Variants in VAC14 observed in about 807,000 individuals in gnomAD.
VAC14 encodes the protein VAC14 component of PIKFYVE complex.
In VAC14, 47 loss-of-function variants were observed where a neutral mutation model predicts 85.3. That is an observed-to-expected ratio of 0.55 (90% CI 0.44 to 0.70). The LOEUF is 0.70. VAC14 is among the 30% of genes least tolerant of loss of function. The probability of loss-of-function intolerance (pLI) is 0.00; values close to 1 mark genes in which losing one functional copy is unlikely to be tolerated. For missense variants in VAC14, 861 were observed against 1,004.3 expected (o/e 0.86, Z 1.93); for synonymous variants, 447 against 430.5 (o/e 1.04, Z -0.47).
rs138286638 is a variant in VAC14 at position 70,765,043 on chromosome 16, C to T, written c.1161-2018G>A. ...CATGTCCTGGTGGTGGAAGAGATGC[C>T]GCCCTACAGCCCAAGGCCTTATGCA... On this transcript the variant is annotated intron_variant, in intron 10 of 18. Coordinates refer to ENST00000261776, the MANE Select transcript of VAC14 (RefSeq NM_018052.5). Among the ~76,000 whole-genome samples the T allele has an allele frequency of 3.7e-3, 556 of 152,282 alleles. 4 individuals are homozygous for T. Among genetic ancestry groups the T allele is most frequent in the African/African-American group, 0.011 (476 of 41,548 alleles).
intron 13 of VAC14, among the ~76,000 whole-genome samples, chr16:70,733,624 G>A (rs1490438422): frequency 6.6e-6 from 1 of 151,940 alleles, no homozygotes; most frequent in Non-Finnish European, 1.5e-5. Flanking sequence ...GTTTAAAAGC[G>A]TGGGGCACCT....
chr16:70,704,364 T>G lies in VAC14; in HGVS notation c.1662-5553A>C, dbSNP rs149264623. On this transcript the variant is annotated intron_variant, in intron 14 of 18. Coordinates refer to ENST00000261776, the MANE Select transcript of VAC14 (RefSeq NM_018052.5). ...AGCCTGGCACTGTCTTCTTTGTCCT[T>G]TCCTGGGTTGGGGGCAGGGGCCACA... Among the ~76,000 whole-genome samples, 943 of 152,132 alleles carry G rather than the reference T, an allele frequency of 6.2e-3. 6 individuals carry two copies. The highest frequency in any genetic ancestry group is 9.8e-3 in the Non-Finnish European group (667 of 67,956).
chr16:70,739,592 C>A (rs969257162), intron 13 of VAC14, among the ~76,000 whole-genome samples: 1 of 152,064 alleles, frequency 6.6e-6, no homozygotes, highest in African/African-American at 2.4e-5. Context: ...AGGCTCCTGG[C>A]CCAAACAAGT....
At chr16:70,727,400 T>C (rs1029831454) in intron 14 of VAC14, among the ~76,000 whole-genome samples, 1 of 152,200 alleles carries the variant, frequency 6.6e-6, no homozygotes. Flanking sequence ...AGTGCAGTGG[T>C]GTGATCTTGG....
intron 9 of VAC14, among the ~76,000 whole-genome samples, chr16:70,774,450 T>G (rs917484940): frequency 1.3e-5 from 2 of 152,180 alleles, no homozygotes; most frequent in Non-Finnish European, 2.9e-5. Context: ...GACGTTAACC[T>G]CATCGCCTGA....
chr16:70,789,733 G>A (rs1204715407), intron 1 of VAC14, among the ~76,000 whole-genome samples: 2 of 152,216 alleles, frequency 1.3e-5, no homozygotes, highest in Admixed American at 6.5e-5. Context: ...ATTCTGCAAA[G>A]ATCTAGAACC....
intron 4 of VAC14, 92 bp downstream of exon 4, chr16:70,784,681 CAAG>C (rs1337286907): frequency 4.1e-6 from 5 of 1,207,408 alleles, no homozygotes; most frequent in Non-Finnish European, 6.1e-6. Flanking sequence ...ATTTTAAATT[CAAG>C]AAGAACATTC....
intron 10 of VAC14, among the ~76,000 whole-genome samples, chr16:70,765,309 G>C (rs1000240990): frequency 2.6e-5 from 4 of 152,142 alleles, no homozygotes; most frequent in Non-Finnish European, 5.9e-5. Context: ...AACTGCTCTG[G>C]AGCTGCTGGT....
At chr16:70,799,597 A>C (rs953188467) in intron 1 of VAC14, among the ~76,000 whole-genome samples, 4 of 152,186 alleles carry the variant, frequency 2.6e-5, no homozygotes, top group Non-Finnish European at 5.9e-5. Flanking sequence ...CAACGGATGG[A>C]GTGCTACTGG....
chr16:70,698,901 G>T, intron 14 of VAC14, 90 bp from the exon 15 acceptor site: 1 of 1,386,582 alleles, frequency 7.2e-7, no homozygotes, highest in Middle Eastern at 2.6e-4. Flanking sequence ...GTTTTGCAGC[G>T]TCCTGGGGAA....
intron 16 of VAC14, chr16:70,695,856 C>G: frequency 2.1e-6 from 1 of 465,186 alleles, no homozygotes; most frequent in Non-Finnish European, 3.9e-6. Context: ...GTCTCCTCTG[C>G]ACCCTCCCGG....
intron 1 of VAC14, among the ~76,000 whole-genome samples, chr16:70,786,665 G>GT (rs1408494759): frequency 6.6e-6 from 1 of 152,214 alleles, no homozygotes; most frequent in Non-Finnish European, 1.5e-5. Flanking sequence ...TGCATTATCA[G>GT]TTGATCAACT....
In VAC14 at chr16:70,703,262, G is replaced by A. The variant is rs145130176; in HGVS notation, c.1662-4451C>T. On this transcript the variant is annotated intron_variant, in intron 14 of 18. Coordinates refer to ENST00000261776, the MANE Select transcript of VAC14 (RefSeq NM_018052.5). ...CATGTGCCCATATTTTCCAACACCC[G>A]CATGAAAACGCTATTCGTCATGAGA... Among the ~76,000 whole-genome samples, 828 of 152,354 alleles carry A rather than the reference G, an allele frequency of 5.4e-3. 4 individuals carry two copies. Among genetic ancestry groups the A allele is most frequent in the Non-Finnish European group, 9.0e-3 (615 of 68,040 alleles).
chr16:70,791,650 G>A (rs2034345119), intron 1 of VAC14, among the ~76,000 whole-genome samples: 1 of 152,200 alleles, frequency 6.6e-6, no homozygotes, highest in South Asian at 2.1e-4. Flanking sequence ...CCTCGTAAGT[G>A]CTGGGATTAT....
chr16:70,798,386 T>C (rs575526595), intron 1 of VAC14, among the ~76,000 whole-genome samples: 14 of 152,346 alleles, frequency 9.2e-5, no homozygotes, highest in African/African-American at 3.4e-4. Flanking sequence ...TAATAGTCTG[T>C]GTTTGCTGAG....
intron 14 of VAC14, among the ~76,000 whole-genome samples, chr16:70,723,060 A>G (rs1345133985): frequency 6.6e-6 from 1 of 152,118 alleles, no homozygotes; most frequent in Non-Finnish European, 1.5e-5. Flanking sequence ...TACTAAAAAT[A>G]CAAAAATTAG....
At chr16:70,744,685 G>C in intron 12 of VAC14, 106 bp from the exon 13 acceptor site, 2 of 1,389,076 alleles carry the variant, frequency 1.4e-6, no homozygotes, top group Non-Finnish European at 1.9e-6. Flanking sequence ...GGGTGGGAGG[G>C]GTCTGCAGAT....
intron 14 of VAC14, among the ~76,000 whole-genome samples, chr16:70,706,552 C>A (rs539357421): frequency 6.6e-6 from 1 of 152,348 alleles, no homozygotes; most frequent in East Asian, 1.9e-4. Context: ...TGCTCTGTCA[C>A]CCAGGCTGGA....
chr16:70,719,353 T>A (rs1269703414), intron 14 of VAC14, among the ~76,000 whole-genome samples: 1 of 152,144 alleles, frequency 6.6e-6, no homozygotes, highest in Non-Finnish European at 1.5e-5. Context: ...AAAAAAATGC[T>A]AACTGTAAAG....
Sources: gnomAD v4.1 joint callset for allele counts (sites outside exome capture counted in the v4.1 genomes callset) on GRCh38, gnomAD v4.1.1 for gene constraint, MANE v1.5 for transcripts, NCBI Gene and HGNC (gene_info 2026-07-23, HGNC 2026-07-21) for gene names.